The following PDE3A variants were observed in gnomAD, a reference collection of about 807,000 sequenced individuals.
PDE3A encodes the protein cGMP-inhibited 3',5'-cyclic phosphodiesterase 3A.
In PDE3A, 43 loss-of-function variants were observed where a neutral mutation model predicts 98.3. The observed-to-expected ratio is 0.44, with a 90% CI of 0.34 to 0.56. The LOEUF (loss-of-function observed/expected upper bound fraction) is 0.56. Ranked by LOEUF, PDE3A falls within the 20% of genes least tolerant of loss-of-function variation. The probability of loss-of-function intolerance (pLI) is 0.01; values close to 1 mark genes in which losing one functional copy is unlikely to be tolerated. For synonymous variants in PDE3A, 663 were observed against 567.9 expected (o/e 1.17, Z -2.38); for missense variants, 1,427 against 1,440.7 (o/e 0.99, Z 0.15).
At chr12:20,559,292 A>G (rs987541753) in intron 2 of PDE3A, among the ~76,000 whole-genome samples, 1 of 152,076 alleles carries the variant, frequency 6.6e-6, no homozygotes, top group Non-Finnish European at 1.5e-5. Context: ...ATAATAGGCT[A>G]TACCATCTGG....
intron 2 of PDE3A, among the ~76,000 whole-genome samples, chr12:20,582,502 G>A (rs1943091897): frequency 6.6e-6 from 1 of 152,002 alleles, no homozygotes; most frequent in African/African-American, 2.4e-5. Flanking sequence ...AACACATGCT[G>A]CATGATTAAT....
intron 1 of PDE3A, among the ~76,000 whole-genome samples, chr12:20,385,581 T>C (rs11045200): frequency 0.8 from 121,192 of 151,428 alleles, 48,742 homozygotes; most frequent in East Asian, 0.98. Context: ...AAATGTGGCA[T>C]ATATACACCA....
At chr12:20,492,381 C>A (rs1465228170) in intron 1 of PDE3A, among the ~76,000 whole-genome samples, 1 of 138,060 alleles carries the variant, frequency 7.2e-6, no homozygotes, top group African/African-American at 2.7e-5. Flanking sequence ...GCCTCTGGAG[C>A]CACAGTGTCT....
At chr12:20,450,089 C>T (rs926279009) in intron 1 of PDE3A, 2 of 536,854 alleles carry the variant, frequency 3.7e-6, no homozygotes, top group Non-Finnish European at 6.9e-6. Context: ...CTGCTGGTGC[C>T]GTCTTGGATT....
chr12:20,669,543 T>C (rs1003908642), intron 15 of PDE3A, among the ~76,000 whole-genome samples: 5 of 151,900 alleles, frequency 3.3e-5, no homozygotes, highest in South Asian at 4.2e-4. Flanking sequence ...GGGGCCAATA[T>C]TCAACATTCT....
intron 1 of PDE3A, among the ~76,000 whole-genome samples, chr12:20,534,058 C>T (rs953435639): frequency 6.6e-6 from 1 of 152,160 alleles, no homozygotes; most frequent in African/African-American, 2.4e-5. Context: ...ACTACCCGAC[C>T]TACTTTATTT....
chr12:20,568,209 T>C (rs1942708993), intron 2 of PDE3A, among the ~76,000 whole-genome samples: 1 of 151,952 alleles, frequency 6.6e-6, no homozygotes, highest in Non-Finnish European at 1.5e-5. Context: ...ACAAATTCTA[T>C]TAGCATAAAA....
intron 2 of PDE3A, 27 bp downstream of exon 2, chr12:20,556,737 A>C: frequency 6.3e-7 from 1 of 1,575,252 alleles, no homozygotes; most frequent in Non-Finnish European, 8.7e-7. Context: ...TTTCTTTTTC[A>C]CGTTTCGTTT....
intron 1 of PDE3A, among the ~76,000 whole-genome samples, chr12:20,468,225 G>C (rs11045268): frequency 6.6e-6 from 1 of 152,130 alleles, no homozygotes; most frequent in African/African-American, 2.4e-5. Context: ...AGCTGTCTCA[G>C]AATCATGCTT....
At chr12:20,457,688 T>C (rs1425293686) in intron 1 of PDE3A, among the ~76,000 whole-genome samples, 1 of 151,738 alleles carries the variant, frequency 6.6e-6, no homozygotes, top group Non-Finnish European at 1.5e-5. Context: ...CTACTTTTGG[T>C]AGGTTAAAAG....
intron 1 of PDE3A, among the ~76,000 whole-genome samples, chr12:20,516,438 C>T (rs1395744609): frequency 6.6e-6 from 1 of 152,080 alleles, no homozygotes; most frequent in Non-Finnish European, 1.5e-5. Context: ...TTTACACGAC[C>T]AGTTCTACTT....
Position 20,369,485 on chromosome 12 carries a change from G to A in PDE3A, c.201G>A (p.Ala67=). The A allele has an allele frequency of 6.4e-7, 1 of 1,557,370 alleles. No individual in the cohort carries two copies. The highest frequency in any genetic ancestry group is 1.2e-5 in the South Asian group (1 of 84,518). ...GGAAACTTTCCTCCGCGCTGTGCGCGGGCTCCCTGTCCTTTCTGCTGGCGC... is the reference window on the plus strand; with the variant it reads ...GGAAACTTTCCTCCGCGCTGTGCGCAGGCTCCCTGTCCTTTCTGCTGGCGC... ...SSRKLSSALC[A]GSLSFLLALL... is the part of the protein sequence containing the mutation. The change falls in exon 1 of 16, where the codon GCG becomes GCA. Residue 67 remains alanine, a synonymous_variant. Coordinates refer to ENST00000359062, the MANE Select transcript of PDE3A (RefSeq NM_000921.5).
intron 1 of PDE3A, among the ~76,000 whole-genome samples, chr12:20,443,429 G>A (rs1944902206): frequency 6.6e-6 from 1 of 151,952 alleles, no homozygotes; most frequent in African/African-American, 2.4e-5. Context: ...AGCTATTTGG[G>A]TAATACCTCA....
At chr12:20,570,032 T>C (rs1942758383) in intron 2 of PDE3A, among the ~76,000 whole-genome samples, 2 of 152,118 alleles carry the variant, frequency 1.3e-5, no homozygotes, top group Admixed American at 1.3e-4. Flanking sequence ...TAAATATGTC[T>C]AGAAACAGTG....
chr12:20,371,533 TAGC>T (rs1417241144), intron 1 of PDE3A: 3 of 854,000 alleles, frequency 3.5e-6, no homozygotes, highest in Admixed American at 1.2e-4. Context: ...TTCTAAGAAA[TAGC>T]AGTCACCATA....
intron 15 of PDE3A, among the ~76,000 whole-genome samples, chr12:20,657,330 C>T (rs936954794): frequency 1.3e-5 from 2 of 152,096 alleles, no homozygotes; most frequent in Admixed American, 1.3e-4. Context: ...TTTTTAACTT[C>T]AATGCTTTTG....
At chr12:20,493,064 G>A (rs1945856598) in intron 1 of PDE3A, among the ~76,000 whole-genome samples, 1 of 152,196 alleles carries the variant, frequency 6.6e-6, no homozygotes, top group South Asian at 2.1e-4. Context: ...AGTTAAATAA[G>A]TTAATATGTA....
intron 1 of PDE3A, among the ~76,000 whole-genome samples, chr12:20,427,695 A>G (rs1277248250): frequency 1.3e-5 from 2 of 152,166 alleles, no homozygotes; most frequent in Admixed American, 1.3e-4. Context: ...CATTTAATAC[A>G]TTAATACATT....
intron 1 of PDE3A, among the ~76,000 whole-genome samples, chr12:20,370,639 A>AT (rs149027567): frequency 0.031 from 4,678 of 152,086 alleles, 86 homozygotes; most frequent in Middle Eastern, 0.051. Flanking sequence ...GCAATGAGTG[A>AT]TTTTTTTAAC....
Sources: allele counts gnomAD v4.1 joint callset (sites outside exome capture counted in the v4.1 genomes callset), GRCh38; gene constraint gnomAD v4.1.1; transcripts MANE v1.5; gene names NCBI Gene and HGNC (gene_info 2026-07-23, HGNC 2026-07-21).